EXTL3: variants seen among roughly 807,000 people sequenced by gnomAD.
The protein encoded by EXTL3 is exostosin like glycosyltransferase 3, also known as exostosin-like 3.
In EXTL3, 27 loss-of-function variants were observed where a neutral mutation model predicts 69.3. The ratio of observed to expected loss-of-function variants is 0.39; its 90% CI spans 0.29 to 0.54. EXTL3 has a LOEUF of 0.54. Among genes scored for constraint, EXTL3 ranks in the 20% least tolerant of loss-of-function variants. The pLI, the probability that EXTL3 is intolerant of heterozygous loss-of-function variation, is 0.69. For missense variants in EXTL3, 1,003 were observed against 1,231.8 expected, an observed-to-expected ratio of 0.81 and a Z score of 2.78; for synonymous variants, 511 against 499.4, an observed-to-expected ratio of 1.02 and a Z score of -0.31.
rs1220474610 is a variant in EXTL3 at position 28,737,583 on chromosome 8, C to T, written c.2341C>T (p.Pro781Ser). The change falls in exon 5 of 7, where the codon CCC (proline) becomes TCC (serine). Residue 781 changes from proline (P) to serine (S), a missense_variant. Around this residue, in one of 2 missense-constraint regions of EXTL3, gnomAD observed 261 missense variants for 416.4 expected, o/e 0.63. Coordinates refer to ENST00000220562, the MANE Select transcript of EXTL3 (RefSeq NM_001440.4). ...TGGCCGTTACCACGCATGGGACATC[C>T]CCCATCAGTCCTGGCTCTACAACTC... ...FPGRYHAWDI[P>S]HQSWLYNSNY... 9.3e-6 allele frequency: 15 copies of T among 1,614,020 alleles called. No individual in the cohort carries two copies. Among genetic ancestry groups the T allele is most frequent in the Non-Finnish European group, 1.2e-5 (14 of 1,179,884 alleles).
intron 1 of EXTL3, among the ~76,000 whole-genome samples, chr8:28,710,098 A>AT (rs1383566716): frequency 6.6e-6 from 1 of 151,894 alleles, no homozygotes; most frequent in African/African-American, 2.4e-5. Flanking sequence ...ATCTCTGTAT[A>AT]CAACTATTTT....
chr8:28,746,922 C>T (rs1801900495), intron 6 of EXTL3, among the ~76,000 whole-genome samples: 1 of 152,188 alleles, frequency 6.6e-6, no homozygotes, highest in Non-Finnish European at 1.5e-5. Flanking sequence ...GATCTGCCCG[C>T]CTTGGCCTCC....
chr8:28,703,619 C>T (rs773802145), intron 1 of EXTL3, among the ~76,000 whole-genome samples: 12 of 151,948 alleles, frequency 7.9e-5, no homozygotes, highest in Non-Finnish European at 1.6e-4. Flanking sequence ...TGGTGGTCTT[C>T]TGGAGGAGGG....
In EXTL3 at chr8:28,727,583, G is replaced by A. The variant is rs563335796; in HGVS notation, c.2149-3640G>A. The stretch of plus-strand genomic sequence containing the variant: ...AGGTGCAGAGTTAGGTTGTTTATAG[G>A]ATTGTCAAGTTTGGCTGATAAGTAA... On this transcript the variant is annotated intron_variant, in intron 3 of 6. Coordinates refer to ENST00000220562, the MANE Select transcript of EXTL3 (RefSeq NM_001440.4). Among the ~76,000 whole-genome samples, 22 of 152,312 alleles carry A rather than the reference G, an allele frequency of 1.4e-4. No individual in the cohort carries two copies. The East Asian group carries it at 3.7e-3, about 25-fold the overall frequency.
At chr8:28,621,531 A>G (rs956833435), upstream of EXTL3, among the ~76,000 whole-genome samples, 71 of 151,668 alleles carry the variant, frequency 4.7e-4, no homozygotes, top group Non-Finnish European at 1.2e-4. Context: ...TAACCAATAC[A>G]CTCCCTGCTA....
rs527997177 is a variant in EXTL3, at chr8:28,752,980, C to T, written c.*2114C>T. The T allele has an allele frequency of 6.5e-6, 1 of 152,872 alleles. No homozygotes were observed. Among genetic ancestry groups the T allele is most frequent in the Admixed American group, 6.5e-5 (1 of 15,300 alleles). The allele number at this position is 152,872 out of a possible 1,614,324, so 9.5% of individuals were successfully genotyped here. A position where few individuals can be genotyped will look rare whatever the true frequency, so the allele number is the denominator to read the frequency against. On this transcript the variant is annotated 3_prime_UTR_variant, in exon 7 of 7. Transcript: ENST00000220562. Reference sequence around the variant, plus strand: ...CGTCTGTGTGGTGGAGCCAGGGCCTCTCCCTTTAGTGGAGCCAGGTTGTCG... The same window carrying T: ...CGTCTGTGTGGTGGAGCCAGGGCCTTTCCCTTTAGTGGAGCCAGGTTGTCG...
intron 1 of EXTL3, 141 bp downstream of exon 1, chr8:28,701,800 T>C (rs1191023107): frequency 6.6e-6 from 1 of 151,672 alleles, no homozygotes; most frequent in Non-Finnish European, 1.5e-5. Flanking sequence ...AGGCTGCTGC[T>C]GCCCGGCGGC....
rs1400046838 is a variant in EXTL3, at chr8:28,755,179, C to T, written c.*4313C>T. 6.6e-6 allele frequency: 1 copy of T among 152,146 alleles called. No homozygotes were observed. Among genetic ancestry groups the T allele is most frequent in the Non-Finnish European group, 1.5e-5 (1 of 68,040 alleles). The allele number at this position is 152,146 out of a possible 1,614,324, so 9.4% of individuals were successfully genotyped here. On this transcript the variant is annotated 3_prime_UTR_variant, in exon 7 of 7. Transcript: ENST00000220562. Reference sequence around the variant, plus strand: ...ACTATTACTGGAGTAAAATAGTGTCCACTTCTTCATGGCTCTTTCTGCCTT... The same window carrying T: ...ACTATTACTGGAGTAAAATAGTGTCTACTTCTTCATGGCTCTTTCTGCCTT...
At chr8:28,610,409 C>T (rs1806256438) in intron 2 of EXTL3, among the ~76,000 whole-genome samples, 1 of 152,110 alleles carries the variant, frequency 6.6e-6, no homozygotes, top group Non-Finnish European at 1.5e-5. Flanking sequence ...CACTGTAACA[C>T]ACCCAGGGAT....
At chr8:28,617,500 G>A (rs1312412921) in intron 2 of EXTL3, among the ~76,000 whole-genome samples, 3 of 152,146 alleles carry the variant, frequency 2.0e-5, no homozygotes, top group Non-Finnish European at 2.9e-5. Context: ...TGAAGATCAG[G>A]CCAGGCATGG....
chr8:28,682,394 G>A (rs1483299267), intron 1 of EXTL3, among the ~76,000 whole-genome samples: 1 of 152,078 alleles, frequency 6.6e-6, no homozygotes, highest in Non-Finnish European at 1.5e-5. Context: ...CATTCTGTAG[G>A]TTGTCTCTTC....
chr8:28,647,931 T>G, intron 1 of EXTL3, among the ~76,000 whole-genome samples: 4 of 8,442 alleles, frequency 4.7e-4, no homozygotes, highest in Admixed American at 1.5e-3. Flanking sequence ...CTAGATGGGT[T>G]GGGGGTGGGG....
Position 28,752,252 on chromosome 8 carries a change from C to T in EXTL3, c.*1386C>T, listed in dbSNP as rs9183. The T allele has an allele frequency of 0.22, 33,403 of 152,376 alleles. 4,054 individuals carry two copies. The highest frequency in any genetic ancestry group is 0.32 in the Middle Eastern group (93 of 292). 9.4% of individuals were successfully genotyped at this position (152,376 alleles called of 1,614,324 possible). A position where few individuals can be genotyped will look rare whatever the true frequency, so the allele number is the denominator to read the frequency against. ...TGAAATAAGCTAATTTTTTGGGTCA[C>T]GGTGGCAGTAGGGGAACCTAGGAGG... On this transcript the variant is annotated 3_prime_UTR_variant, in exon 7 of 7. Coordinates refer to ENST00000220562, the MANE Select transcript of EXTL3 (RefSeq NM_001440.4).
At chr8:28,625,974 A>G (rs982569257) in intron 1 of EXTL3, among the ~76,000 whole-genome samples, 2 of 138,694 alleles carry the variant, frequency 1.4e-5, no homozygotes, top group Non-Finnish European at 3.1e-5. Context: ...CAGCTTGGGC[A>G]ATATAGTGAG....
At chr8:28,726,157 T>C (rs1412349529) in intron 3 of EXTL3, among the ~76,000 whole-genome samples, 1 of 152,144 alleles carries the variant, frequency 6.6e-6, no homozygotes, top group East Asian at 1.9e-4. Flanking sequence ...GGTTTCACTA[T>C]GTTGGCCAGG....
At chr8:28,705,890 C>T (rs1302986295) in intron 1 of EXTL3, among the ~76,000 whole-genome samples, 2 of 152,158 alleles carry the variant, frequency 1.3e-5, no homozygotes, top group African/African-American at 2.4e-5. Flanking sequence ...AGGAAGAATG[C>T]AGAAATCACC....
chr8:28,742,983 A>T, intron 5 of EXTL3, 103 bp from the exon 6 acceptor site: 3 of 1,269,600 alleles, frequency 2.4e-6, no homozygotes, highest in Non-Finnish European at 2.3e-6. Context: ...CCTCCTAGTT[A>T]CTGCCACACC....
chr8:28,707,352 G>A (rs1364820768), intron 1 of EXTL3, among the ~76,000 whole-genome samples: 1 of 152,252 alleles, frequency 6.6e-6, no homozygotes, highest in African/African-American at 2.4e-5. Context: ...CATCGGTGAA[G>A]TGGAAATGAC....
intron 1 of EXTL3, among the ~76,000 whole-genome samples, chr8:28,652,632 C>T (rs1004017853): frequency 3.5e-4 from 53 of 151,644 alleles, no homozygotes; most frequent in African/African-American, 4.1e-4. Context: ...GTAGCCCAGA[C>T]GACAAAGTGA....
Sources: allele counts gnomAD v4.1 joint callset (sites outside exome capture counted in the v4.1 genomes callset), GRCh38; gene constraint gnomAD v4.1.1; regional missense constraint gnomAD v4.1.1; transcripts MANE v1.5; gene names NCBI Gene and HGNC (gene_info 2026-07-23, HGNC 2026-07-21).